Variants in SLAIN2 observed in about 807,000 individuals in gnomAD.
SLAIN2 encodes SLAIN motif-containing protein 2.
SLAIN2 carries 31 observed loss-of-function variants against 56.6 expected under a neutral mutation model. That is an observed-to-expected ratio of 0.55 (90% confidence interval 0.41 to 0.74). The LOEUF is 0.74. Among genes scored for constraint, SLAIN2 ranks in the 30% least tolerant of loss-of-function variants. SLAIN2 has a pLI of 0.00. For missense variants in SLAIN2, 777 were observed against 754.2 expected, an observed-to-expected ratio of 1.03 and a Z score of -0.35; for synonymous variants, 317 against 284.9, an observed-to-expected ratio of 1.11 and a Z score of -1.13.
Position 48,420,161 on chromosome 4 carries a change from C to T in SLAIN2, c.1397C>T (p.Pro466Leu). 1 of 1,613,944 alleles carries T rather than the reference C, an allele frequency of 6.2e-7. No individual in the cohort carries two copies. The highest frequency in any genetic ancestry group is 1.3e-5 in the African/African-American group (1 of 75,054). The change falls in exon 7 of 8, where the codon CCA becomes CTA. Residue 466 changes from proline to leucine, a missense_variant. Transcript: ENST00000264313. ...GGCAAATTCCGTTCCCCTGCAGCACCATCTCCTTTGGCTCTTCGGCAACCA... is the reference window on the plus strand; with the variant it reads ...GGCAAATTCCGTTCCCCTGCAGCACTATCTCCTTTGGCTCTTCGGCAACCA... ...SPGKFRSPAAPSPLALRQPVK... is the reference protein window; with the variant it reads ...SPGKFRSPAALSPLALRQPVK...
chr4:48,356,193 T>C (rs538979016), intron 1 of SLAIN2, among the ~76,000 whole-genome samples: 9 of 152,334 alleles, frequency 5.9e-5, no homozygotes, highest in African/African-American at 1.9e-4. Flanking sequence ...ACATGTTCTA[T>C]GGGTAAGATC....
Position 48,341,758 on chromosome 4 carries a change from A to T in SLAIN2, c.19A>T (p.Asn7Tyr). The T allele has an allele frequency of 6.5e-7, 1 of 1,532,806 alleles. No homozygotes were observed. Among genetic ancestry groups the T allele is most frequent in the Non-Finnish European group, 8.8e-7 (1 of 1,139,808 alleles). 95.0% of individuals were successfully genotyped at this position (1,532,806 alleles called of 1,614,324 possible). A position where few individuals can be genotyped will look rare whatever the true frequency, so the allele number is the denominator to read the frequency against. The stretch of plus-strand genomic sequence containing the variant: ...GGCCGGGATGGAGGACGTTAACTCC[A>T]ACGTGAACGCGGACCAGGAGGTGCG... MEDVNS[N>Y]VNADQEVRKL... Residue 7 changes from asparagine (N) to tyrosine (Y), a missense_variant, in exon 1 of 8, where the codon AAC becomes TAC. Coordinates refer to ENST00000264313, the MANE Select transcript of SLAIN2 (RefSeq NM_020846.2).
intron 1 of SLAIN2, among the ~76,000 whole-genome samples, chr4:48,345,862 G>A (rs1242105025): frequency 6.6e-6 from 1 of 152,144 alleles, no homozygotes; most frequent in Non-Finnish European, 1.5e-5. Flanking sequence ...AAATTACTCT[G>A]AAGTGGGCAT....
chr4:48,344,094 G>A (rs527275873), intron 1 of SLAIN2, among the ~76,000 whole-genome samples: 2 of 152,162 alleles, frequency 1.3e-5, no homozygotes, highest in East Asian at 1.9e-4. Flanking sequence ...AGTTTGTTAA[G>A]GTAAAGCAAG....
At chr4:48,381,706 CTG>C (rs1368840737) in intron 4 of SLAIN2, among the ~76,000 whole-genome samples, 2 of 152,182 alleles carry the variant, frequency 1.3e-5, no homozygotes, top group Admixed American at 6.5e-5. Flanking sequence ...ATAGCACTTT[CTG>C]TGTGTGAATA....
intron 1 of SLAIN2, among the ~76,000 whole-genome samples, chr4:48,342,333 C>G (rs899642039): frequency 2.2e-4 from 34 of 152,162 alleles, no homozygotes; most frequent in African/African-American, 8.2e-4. Flanking sequence ...GGTTGTAGCT[C>G]GTTGTCCTTT....
At chr4:48,351,072 T>C (rs1465368243) in intron 1 of SLAIN2, among the ~76,000 whole-genome samples, 2 of 152,218 alleles carry the variant, frequency 1.3e-5, no homozygotes, top group African/African-American at 4.8e-5. Context: ...ATCCCTCTCC[T>C]ACTCCATTCA....
intron 5 of SLAIN2, 98 bp from the exon 6 acceptor site, chr4:48,383,549 A>G (rs1016343136): frequency 8.8e-7 from 1 of 1,131,698 alleles, no homozygotes; most frequent in African/African-American, 1.6e-5. Context: ...AATAAACAGA[A>G]TGTTTGATAA....
chr4:48,373,811 T>C (rs1715730843), intron 2 of SLAIN2, among the ~76,000 whole-genome samples: 1 of 152,028 alleles, frequency 6.6e-6, no homozygotes. Flanking sequence ...GAGGCCAAGG[T>C]GGGCGGATCA....
intron 1 of SLAIN2, among the ~76,000 whole-genome samples, chr4:48,348,559 G>A (rs1714929380): frequency 6.6e-6 from 1 of 151,960 alleles, no homozygotes; most frequent in Non-Finnish European, 1.5e-5. Context: ...GCATGGTGGT[G>A]GGCGCCTGTA....
chr4:48,407,612 C>T (rs554678716), intron 6 of SLAIN2, among the ~76,000 whole-genome samples: 5 of 152,222 alleles, frequency 3.3e-5, no homozygotes, highest in African/African-American at 9.6e-5. Context: ...TTAAGACTTA[C>T]TAATTTTATG....
intron 7 of SLAIN2, among the ~76,000 whole-genome samples, chr4:48,421,661 A>G (rs966400499): frequency 2.0e-5 from 3 of 152,082 alleles, no homozygotes; most frequent in African/African-American, 7.2e-5. Context: ...AGTGATGCTG[A>G]CACTGAGCTT....
At chr4:48,363,791 G>C (rs1277212387) in intron 1 of SLAIN2, among the ~76,000 whole-genome samples, 2 of 138,996 alleles carry the variant, frequency 1.4e-5, no homozygotes, top group Non-Finnish European at 3.2e-5. Context: ...TGGCCGGGTG[G>C]GGGGGCTGAC....
intron 6 of SLAIN2, among the ~76,000 whole-genome samples, chr4:48,413,998 T>C (rs2109786751): frequency 6.6e-6 from 1 of 152,262 alleles, no homozygotes; most frequent in East Asian, 1.9e-4. Context: ...CTTAGCACAA[T>C]TATTAAATAC....
intron 1 of SLAIN2, among the ~76,000 whole-genome samples, chr4:48,360,132 T>A (rs899630094): frequency 6.8e-6 from 1 of 147,546 alleles, no homozygotes; most frequent in Admixed American, 6.8e-5. Context: ...CCAGCCTGGG[T>A]GGCAGAGCGA....
chr4:48,379,126 T>C (rs961726798), intron 3 of SLAIN2, among the ~76,000 whole-genome samples: 1 of 152,194 alleles, frequency 6.6e-6, no homozygotes, highest in African/African-American at 2.4e-5. Context: ...TGGCCTGTTT[T>C]CTGTCTTCCT....
intron 1 of SLAIN2, among the ~76,000 whole-genome samples, chr4:48,353,666 G>T (rs1337329174): frequency 6.6e-6 from 1 of 152,146 alleles, no homozygotes; most frequent in Non-Finnish European, 1.5e-5. Flanking sequence ...AAACTAAGCT[G>T]TGGAGTATAT....
chr4:48,390,154 A>G (rs1277983572), intron 6 of SLAIN2, among the ~76,000 whole-genome samples: 2 of 147,484 alleles, frequency 1.4e-5, no homozygotes, highest in Non-Finnish European at 3.0e-5. Context: ...AGCTTACTGC[A>G]ACCTCCACCT....
chr4:48,370,839 A>G (rs1461118930), intron 2 of SLAIN2, among the ~76,000 whole-genome samples: 1 of 152,206 alleles, frequency 6.6e-6, no homozygotes, highest in Non-Finnish European at 1.5e-5. Flanking sequence ...ATGTACTTAA[A>G]ATTACTTATT....
Sources: allele counts gnomAD v4.1 joint callset (sites outside exome capture counted in the v4.1 genomes callset), GRCh38; gene constraint gnomAD v4.1.1; transcripts MANE v1.5; gene names NCBI Gene and HGNC (gene_info 2026-07-23, HGNC 2026-07-21).